Variants in PPP2R2C observed in about 807,000 individuals in gnomAD.
The protein encoded by PPP2R2C is protein phosphatase 2 regulatory subunit Bgamma.
A neutral mutation model predicts 45.3 loss-of-function variants in PPP2R2C; 10 were observed. That is an observed-to-expected ratio of 0.22 (90% CI 0.14 to 0.37). The LOEUF is 0.37. Ranked by LOEUF, PPP2R2C falls within the 10% of genes least tolerant of loss-of-function variation. PPP2R2C has a pLI of 1.00. For missense variants in PPP2R2C, 308 were observed against 619.7 expected, an observed-to-expected ratio of 0.50 and a Z score of 5.34; for synonymous variants, 257 against 245.4, an observed-to-expected ratio of 1.05 and a Z score of -0.44.
chr4:6,419,717 G>C (rs1718842825), intron 1 of PPP2R2C, among the ~76,000 whole-genome samples: 1 of 152,168 alleles, frequency 6.6e-6, no homozygotes, highest in East Asian at 1.9e-4. Context: ...AGTTCTGGAG[G>C]CCAGGAATGT....
chr4:6,473,225 G>C (rs980634300), upstream of PPP2R2C, among the ~76,000 whole-genome samples: 2 of 152,112 alleles, frequency 1.3e-5, no homozygotes, highest in Non-Finnish European at 2.9e-5. Context: ...TGACGAGTGA[G>C]AAAGTTAAAG....
At chr4:6,421,230 G>A in intron 1 of PPP2R2C, 1 of 666,446 alleles carries the variant, frequency 1.5e-6, no homozygotes, top group Non-Finnish European at 1.9e-6. Context: ...TGCCACAAAG[G>A]AGTCAGGGCT....
chr4:6,501,960 G>A (rs1248256074), intron 2 of PPP2R2C, among the ~76,000 whole-genome samples: 1 of 152,216 alleles, frequency 6.6e-6, no homozygotes, highest in East Asian at 1.9e-4. Flanking sequence ...ACAAATAAAT[G>A]AAGAATTGGA....
intron 1 of PPP2R2C, among the ~76,000 whole-genome samples, chr4:6,413,381 A>C (rs1718317849): frequency 6.6e-6 from 1 of 152,248 alleles, no homozygotes; most frequent in South Asian, 2.1e-4. Context: ...CCATAAGCAG[A>C]GGCTGAACTG....
chr4:6,562,291 A>C (rs368583597), intron 1 of PPP2R2C, among the ~76,000 whole-genome samples: 2 of 152,128 alleles, frequency 1.3e-5, no homozygotes, highest in African/African-American at 4.8e-5. Context: ...CATGTTGCTG[A>C]CAGTGTCCCT....
intron 7 of PPP2R2C, 109 bp downstream of exon 7, chr4:6,333,453 A>G (rs1732578551): frequency 2.4e-6 from 3 of 1,276,120 alleles, no homozygotes; most frequent in Non-Finnish European, 3.3e-6. Context: ...GTCTTCACCT[A>G]CATACCGGGC....
chr4:6,405,031 GACAT>G (rs1317485817), intron 1 of PPP2R2C, among the ~76,000 whole-genome samples: 3 of 152,330 alleles, frequency 2.0e-5, no homozygotes, highest in Admixed American at 2.0e-4. Flanking sequence ...TGAGTGAATA[GACAT>G]AAGATGCTCA....
chr4:6,376,353 A>G (rs56997421), intron 3 of PPP2R2C, among the ~76,000 whole-genome samples: 21,460 of 152,190 alleles, frequency 0.14, 2,164 homozygotes, highest in East Asian at 0.28. Flanking sequence ...GAGTGAAGCC[A>G]GGATTCAAAC....
chr4:6,474,291 A>G (rs1340022184), upstream of PPP2R2C, among the ~76,000 whole-genome samples: 1 of 151,734 alleles, frequency 6.6e-6, no homozygotes, highest in African/African-American at 2.4e-5. Context: ...GCTGGGAGAA[A>G]GACAGGCTGG....
chr4:6,438,526 T>C (rs1373882720), intron 1 of PPP2R2C, among the ~76,000 whole-genome samples: 1 of 152,226 alleles, frequency 6.6e-6, no homozygotes, highest in Non-Finnish European at 1.5e-5. Flanking sequence ...TGACCTTCAC[T>C]TTTTCCTTCA....
intron 1 of PPP2R2C, among the ~76,000 whole-genome samples, chr4:6,424,681 G>C (rs1221261334): frequency 2.0e-5 from 3 of 152,184 alleles, no homozygotes; most frequent in Non-Finnish European, 4.4e-5. Context: ...CAAAGTGAGG[G>C]GAAGGGCATG....
At chr4:6,381,664 C>T in intron 1 of PPP2R2C, 3 of 1,513,072 alleles carry the variant, frequency 2.0e-6, no homozygotes, top group Non-Finnish European at 8.8e-7. Flanking sequence ...TCTCTAATCT[C>T]TGCTCGCAGA....
intron 5 of PPP2R2C, among the ~76,000 whole-genome samples, chr4:6,362,276 T>A (rs1713831806): frequency 6.6e-6 from 1 of 152,010 alleles, no homozygotes; most frequent in Non-Finnish European, 1.5e-5. Context: ...GACATAAGGC[T>A]GGGAGTGGCA....
At chr4:6,392,830 G>A (rs1174040632) in intron 1 of PPP2R2C, among the ~76,000 whole-genome samples, 1 of 152,200 alleles carries the variant, frequency 6.6e-6, no homozygotes, top group Non-Finnish European at 1.5e-5. Context: ...GGACCCTTCT[G>A]TGCCCAGCCC....
intron 2 of PPP2R2C, among the ~76,000 whole-genome samples, chr4:6,485,373 A>T (rs1355663800): frequency 1.3e-5 from 2 of 151,886 alleles, no homozygotes; most frequent in Admixed American, 6.6e-5. Flanking sequence ...TTTTGAGATC[A>T]AGGTAACTCT....
chr4:6,523,777 C>A (rs1021180309), intron 2 of PPP2R2C, among the ~76,000 whole-genome samples: 1 of 152,228 alleles, frequency 6.6e-6, no homozygotes, highest in Non-Finnish European at 1.5e-5. Flanking sequence ...ATGTTCCCAG[C>A]AGCCTTATTC....
chr4:6,475,876 G>A (rs1722126288), upstream of PPP2R2C, among the ~76,000 whole-genome samples: 2 of 152,208 alleles, frequency 1.3e-5, no homozygotes, highest in Admixed American at 6.5e-5. Context: ...TTGCAGGTGG[G>A]GCCTTTGGGA....
At chr4:6,501,034 C>T (rs974346828) in intron 2 of PPP2R2C, among the ~76,000 whole-genome samples, 5 of 152,212 alleles carry the variant, frequency 3.3e-5, no homozygotes, top group Non-Finnish European at 7.3e-5. Flanking sequence ...CAAACAGATC[C>T]CGCAACTCTG....
intron 2 of PPP2R2C, among the ~76,000 whole-genome samples, chr4:6,505,299 C>A (rs1723187366): frequency 6.6e-6 from 1 of 151,912 alleles, no homozygotes; most frequent in African/African-American, 2.4e-5. Flanking sequence ...ACAAAGAATG[C>A]CAAAGGAAGT....
Sources: allele counts gnomAD v4.1 joint callset (sites outside exome capture counted in the v4.1 genomes callset), GRCh38; gene constraint gnomAD v4.1.1; transcripts MANE v1.5; gene names NCBI Gene and HGNC (gene_info 2026-07-23, HGNC 2026-07-21).